Variants in MIPOL1 observed in about 807,000 individuals in gnomAD.
MIPOL1 encodes mirror-image polydactyly 1.
A neutral mutation model predicts 60.9 loss-of-function variants in MIPOL1; 57 were observed. The ratio of observed to expected loss-of-function variants is 0.94; its 90% CI spans 0.76 to 1.17. The LOEUF (loss-of-function observed/expected upper bound fraction) is 1.17. MIPOL1 is among the 50% of genes most tolerant of loss of function. The pLI, the probability that MIPOL1 is intolerant of heterozygous loss-of-function variation, is 0.00. For synonymous variants in MIPOL1, 179 were observed against 168.8 expected, an observed-to-expected ratio of 1.06 and a Z score of -0.47; for missense variants, 551 against 511.6, an observed-to-expected ratio of 1.08 and a Z score of -0.74.
chr14:37,408,761 C>T (rs1026793219), intron 10 of MIPOL1, among the ~76,000 whole-genome samples: 3 of 152,218 alleles, frequency 2.0e-5, no homozygotes, highest in East Asian at 1.9e-4. Flanking sequence ...TCAACATAGA[C>T]TTCTGCTTCC....
intron 9 of MIPOL1, among the ~76,000 whole-genome samples, chr14:37,322,111 G>A (rs1292088991): frequency 6.6e-6 from 1 of 151,910 alleles, no homozygotes; most frequent in African/African-American, 2.4e-5. Context: ...GTAAATGCAG[G>A]CATCAATATA....
intron 9 of MIPOL1, among the ~76,000 whole-genome samples, chr14:37,345,310 T>G (rs1398732720): frequency 6.6e-6 from 1 of 152,180 alleles, no homozygotes; most frequent in Non-Finnish European, 1.5e-5. Context: ...CTCGCTACAT[T>G]GCCCAGGCCG....
In MIPOL1 at chr14:37,500,197, C is replaced by A. The variant is rs2095195979; in HGVS notation, c.1262+59C>A. 4 of 1,101,278 alleles carry A rather than the reference C, an allele frequency of 3.6e-6. No individual in the cohort carries two copies. The Admixed American group carries it at 7.2e-5, about 20-fold the overall frequency. 68.2% of individuals were successfully genotyped at this position (1,101,278 alleles called of 1,614,324 possible). ...CACATGAAACAAAACAAAACACTTT[C>A]TTTTGGGAACTAAACAATATGTAGT... On this transcript the variant is annotated intron_variant, in intron 12 of 12. Transcript: ENST00000684589.
At chr14:37,294,029 C>T (rs2085362440) in intron 7 of MIPOL1, among the ~76,000 whole-genome samples, 1 of 152,182 alleles carries the variant, frequency 6.6e-6, no homozygotes, top group Admixed American at 6.5e-5. Flanking sequence ...GGTCCCTGAC[C>T]CCCGAGTAGC....
chr14:37,216,860 A>G (rs892529129), intron 1 of MIPOL1, among the ~76,000 whole-genome samples: 2 of 152,180 alleles, frequency 1.3e-5, no homozygotes, highest in Non-Finnish European at 2.9e-5. Flanking sequence ...ACAATCTAAC[A>G]TTGCTTTTAA....
intron 11 of MIPOL1, among the ~76,000 whole-genome samples, chr14:37,499,355 T>C (rs1235247890): frequency 1.3e-5 from 2 of 152,196 alleles, no homozygotes; most frequent in Non-Finnish European, 2.9e-5. Context: ...CACATGTATA[T>C]ATGAATACAT....
intron 9 of MIPOL1, among the ~76,000 whole-genome samples, chr14:37,356,514 C>T (rs1242284118): frequency 5.9e-5 from 9 of 152,240 alleles, no homozygotes; most frequent in South Asian, 2.1e-4. Flanking sequence ...GCCTCGCTGC[C>T]GCCTTGCAGT....
chr14:37,299,055 C>A (rs1422270946), intron 7 of MIPOL1, among the ~76,000 whole-genome samples: 3 of 152,028 alleles, frequency 2.0e-5, no homozygotes, highest in African/African-American at 7.2e-5. Context: ...ACCCAAATGT[C>A]CAACAATGAT....
chr14:37,220,243 AT>A (rs1183693883), intron 1 of MIPOL1, among the ~76,000 whole-genome samples: 1 of 152,082 alleles, frequency 6.6e-6, no homozygotes, highest in East Asian at 1.9e-4. Context: ...TCCTGTGGAT[AT>A]TTTTTTGAAT....
chr14:37,203,985 C>T (rs187149527), intron 1 of MIPOL1, among the ~76,000 whole-genome samples: 29 of 151,988 alleles, frequency 1.9e-4, no homozygotes, highest in African/African-American at 6.8e-4. Context: ...GGTTTCACCA[C>T]GTTAGCCAGG....
At position 37,342,949 on chromosome 14, in the gene MIPOL1, A is replaced by G. The variant is rs537645454; in HGVS notation, c.829-26568A>G. Among the ~76,000 whole-genome samples, 86 of 150,140 alleles carry G rather than the reference A, an allele frequency of 5.7e-4. 1 individual carries two copies. Among genetic ancestry groups the G allele is most frequent in the Non-Finnish European group, 1.1e-3 (76 of 67,596 alleles). On this transcript the variant is annotated intron_variant, in intron 9 of 12. Transcript: ENST00000684589. ...TATATTATTAAATCTCTAGTTATTT[A>G]TTTTAATATAGTATTTTAGGATTGT...
chr14:37,472,278 A>C (rs2094699385), intron 11 of MIPOL1, among the ~76,000 whole-genome samples: 1 of 152,212 alleles, frequency 6.6e-6, no homozygotes, highest in South Asian at 2.1e-4. Context: ...ATTGAAAAAT[A>C]TTGGCCCTAT....
chr14:37,511,165 A>G (rs912495696), intron 12 of MIPOL1, among the ~76,000 whole-genome samples: 1 of 152,220 alleles, frequency 6.6e-6, no homozygotes, highest in Admixed American at 6.5e-5. Context: ...ATTACCATCC[A>G]TAAGCTAGCC....
chr14:37,355,459 G>C (rs1413296389), intron 9 of MIPOL1, among the ~76,000 whole-genome samples: 1 of 150,994 alleles, frequency 6.6e-6, no homozygotes, highest in Non-Finnish European at 1.5e-5. Flanking sequence ...GGCCTGCCTT[G>C]CTAGATTAGG....
Position 37,303,737 on chromosome 14 carries a change from G to C in MIPOL1, c.624-4319G>C, listed in dbSNP as rs200037693. On this transcript the variant is annotated intron_variant, in intron 7 of 12. Transcript: ENST00000684589. ...AATATTTATTGACTATACTGTGTCA[G>C]GTACAGTGCTAGTTGCTGGGGACAC... 2.3e-4 allele frequency among the ~76,000 whole-genome samples: 35 copies of C among 151,882 alleles called. No individual in the cohort carries two copies. In the East Asian group the frequency reaches 6.8e-3, roughly 29 times the overall value.
rs145527328 is a variant in MIPOL1 at position 37,439,691 on chromosome 14, A to G, written c.1031+16742A>G. Reference sequence around the variant, plus strand: ...TCAAATTTCATCCACAGTCTCGTGCACATACCCCCACTCTCTGGTATTATT... The same window carrying G: ...TCAAATTTCATCCACAGTCTCGTGCGCATACCCCCACTCTCTGGTATTATT... On this transcript the variant is annotated intron_variant, in intron 11 of 12. Coordinates refer to ENST00000684589, the MANE Select transcript of MIPOL1 (RefSeq NM_001388067.1). 5.1e-3 allele frequency among the ~76,000 whole-genome samples: 771 copies of G among 152,216 alleles called. 6 individuals are homozygous for G. Among genetic ancestry groups the G allele is most frequent in the African/African-American group, 0.017 (724 of 41,538 alleles).
At chr14:37,427,687 CGG>C (rs2093988583) in intron 11 of MIPOL1, among the ~76,000 whole-genome samples, 1 of 151,704 alleles carries the variant, frequency 6.6e-6, no homozygotes, top group Admixed American at 6.6e-5. Context: ...AACTCTAGGA[CGG>C]GGGAGGAAAT....
chr14:37,266,670 A>G (rs1312074020), intron 3 of MIPOL1, among the ~76,000 whole-genome samples: 2 of 152,156 alleles, frequency 1.3e-5, no homozygotes, highest in African/African-American at 4.8e-5. Context: ...TCCATGGACC[A>G]CTGCCAACTA....
intron 9 of MIPOL1, among the ~76,000 whole-genome samples, chr14:37,343,737 T>C (rs1453471784): frequency 6.6e-6 from 1 of 152,220 alleles, no homozygotes; most frequent in Non-Finnish European, 1.5e-5. Context: ...CTGCATGATA[T>C]AATTCTTCAG....
Sources: allele counts gnomAD v4.1 joint callset (sites outside exome capture counted in the v4.1 genomes callset), GRCh38; gene constraint gnomAD v4.1.1; transcripts MANE v1.5; gene names NCBI Gene and HGNC (gene_info 2026-07-23, HGNC 2026-07-21).